The following PABPC1L variants were observed in gnomAD, a reference collection of about 807,000 sequenced individuals.
PABPC1L encodes polyadenylate-binding protein 1-like.
In PABPC1L, 31 loss-of-function variants were observed where a neutral mutation model predicts 66.6. The ratio of observed to expected loss-of-function variants is 0.47; its 90% CI spans 0.35 to 0.63. The LOEUF (loss-of-function observed/expected upper bound fraction) is 0.63, where lower values mean the gene tolerates loss of function less well. Ranked by LOEUF, PABPC1L falls within the 20% of genes least tolerant of loss-of-function variation. PABPC1L has a pLI of 0.00. For synonymous variants in PABPC1L, 348 were observed against 335.1 expected (o/e 1.04, Z -0.42); for missense variants, 722 against 848.8 (o/e 0.85, Z 1.86).
intron 8 of PABPC1L, 137 bp from the exon 9 acceptor site, chr20:44,932,205 T>C (rs1345556605): frequency 7.6e-6 from 4 of 527,094 alleles, no homozygotes. Flanking sequence ...GGAGCTTTCA[T>C]TACAGCCTTG....
At chr20:44,920,777 A>G (rs1319865695) in intron 5 of PABPC1L, among the ~76,000 whole-genome samples, 3 of 149,046 alleles carry the variant, frequency 2.0e-5, no homozygotes, top group Non-Finnish European at 4.5e-5. Context: ...CCATATTTAC[A>G]TTGTAAATAT....
At chr20:44,937,304 A>G (rs2066908931) in intron 12 of PABPC1L, 1 of 277,050 alleles carries the variant, frequency 3.6e-6, no homozygotes, top group African/African-American at 2.2e-5. Flanking sequence ...TCTTTACTGC[A>G]TGGCCCCCGA....
In PABPC1L at chr20:44,918,867, A is replaced by G. The variant is rs760560749; in HGVS notation, c.504-39A>G. ...GGCATGGGGGTGGCTGATGGCTGGT[A>G]GCTGTCCACAGCCATGAGCCAGTGT... is the stretch of plus-strand genomic sequence containing the variant. On this transcript the variant is annotated intron_variant, in intron 3 of 14. Coordinates refer to ENST00000217073, the MANE Select transcript of PABPC1L (RefSeq NM_001372179.1). 7.8e-6 allele frequency: 12 copies of G among 1,529,958 alleles called. No individual in the cohort carries two copies. The South Asian group carries it at 1.4e-4, about 18-fold the overall frequency. 94.8% of individuals were successfully genotyped at this position (1,529,958 alleles called of 1,614,324 possible).
At chr20:44,935,356 C>G (rs1185963983) in intron 10 of PABPC1L, 35 bp from the exon 11 acceptor site, 2 of 1,545,204 alleles carry the variant, frequency 1.3e-6, no homozygotes, top group Non-Finnish European at 1.8e-6. Context: ...TATTTGAACT[C>G]TGCTTTTTTT....
intron 1 of PABPC1L, among the ~76,000 whole-genome samples, chr20:44,911,462 TCAACA>T (rs1166583371): frequency 6.6e-6 from 1 of 152,050 alleles, no homozygotes; most frequent in Non-Finnish European, 1.5e-5. Context: ...AGACTCCATC[TCAACA>T]CAAAACAAAA....
chr20:44,929,361 T>A (rs1207487968), intron 7 of PABPC1L, among the ~76,000 whole-genome samples: 1 of 152,146 alleles, frequency 6.6e-6, no homozygotes, highest in East Asian at 1.9e-4. Context: ...AGAGTGAAAT[T>A]CCAGTGAAGT....
At chr20:44,921,333 A>C (rs2066771636) in intron 5 of PABPC1L, among the ~76,000 whole-genome samples, 1 of 152,012 alleles carries the variant, frequency 6.6e-6, no homozygotes, top group South Asian at 2.1e-4. Context: ...TTTTTAGTAG[A>C]GACGGGGTTT....
At chr20:44,926,245 G>A (rs1435468459) in intron 7 of PABPC1L, among the ~76,000 whole-genome samples, 3 of 152,162 alleles carry the variant, frequency 2.0e-5, no homozygotes, top group Non-Finnish European at 4.4e-5. Flanking sequence ...TTTTGTGTGT[G>A]TGATGGAGTC....
chr20:44,921,831 G>A, intron 6 of PABPC1L, 100 bp downstream of exon 6: 1 of 1,554,196 alleles, frequency 6.4e-7, no homozygotes. Context: ...CCTACTTCTG[G>A]GCACTTGGCT....
chr20:44,937,497 C>A (rs900568274), intron 12 of PABPC1L, among the ~76,000 whole-genome samples: 1 of 152,186 alleles, frequency 6.6e-6, no homozygotes, highest in Non-Finnish European at 1.5e-5. Flanking sequence ...TCACTGCAAC[C>A]TCCACCTCCC....
chr20:44,933,152 G>C lies in PABPC1L; in HGVS notation c.1426G>C (p.Val476Leu). The C allele has an allele frequency of 6.2e-7, 1 of 1,609,598 alleles. No individual in the cohort carries two copies. Among genetic ancestry groups the C allele is most frequent in the Non-Finnish European group, 8.5e-7 (1 of 1,178,590 alleles). ...ISSVRQASTQ[V>L]PRTVPHTQRV... ...CAGTGTCAGGCAGGCCTCCACCCAG[G>C]TGCCACGCACGGTGCCTCATACCCA... Residue 476 changes from valine (V) to leucine (L), a missense_variant, in exon 10 of 15, where the codon GTG becomes CTG. By Grantham distance (32) the Val-to-Leu change is conservative. Transcript: ENST00000217073.
chr20:44,918,178 T>C (rs2066749685), intron 3 of PABPC1L, among the ~76,000 whole-genome samples: 1 of 152,040 alleles, frequency 6.6e-6, no homozygotes, highest in Non-Finnish European at 1.5e-5. Context: ...ATACAAGAAT[T>C]AGCCATGCGT....
intron 7 of PABPC1L, among the ~76,000 whole-genome samples, chr20:44,924,940 A>G (rs2066798928): frequency 6.9e-6 from 1 of 145,064 alleles, no homozygotes; most frequent in Non-Finnish European, 1.5e-5. Flanking sequence ...GAGGCTGGGC[A>G]ATATGGCTCA....
chr20:44,912,668 G>A lies in PABPC1L; in HGVS notation c.202G>A (p.Ala68Thr), dbSNP rs371082609. 4.3e-6 allele frequency: 7 copies of A among 1,612,224 alleles called. No homozygotes were observed. The African/African-American group carries it at 8.0e-5, about 18-fold the overall frequency. The change falls in exon 2 of 15, where the codon GCA (alanine) becomes ACA (threonine). Residue 68 changes from alanine to threonine, a missense_variant. By Grantham distance (58) the Ala-to-Thr change is moderately conservative (BLOSUM62 0). This residue lies in a region of PABPC1L where 284 missense variants were observed against 294.8 expected (regional missense o/e 0.96). Transcript: ENST00000217073. The part of the protein sequence containing the change: ...NFQQPADAER[A>T]LDTMNFEMLK... ...CTCTTCCTTCTGTCCAGCGGAGCGGGCACTGGACACAATGAACTTTGAGAT... is the reference window on the plus strand; with the variant it reads ...CTCTTCCTTCTGTCCAGCGGAGCGGACACTGGACACAATGAACTTTGAGAT...
At chr20:44,911,108 C>T (rs573119682) in intron 1 of PABPC1L, among the ~76,000 whole-genome samples, 1 of 151,760 alleles carries the variant, frequency 6.6e-6, no homozygotes, top group Non-Finnish European at 1.5e-5. Context: ...TGCTTGTTAC[C>T]TCGTAAACGC....
chr20:44,912,971 G>A, intron 2 of PABPC1L, 118 bp downstream of exon 2: 1 of 911,986 alleles, frequency 1.1e-6, no homozygotes, highest in Non-Finnish European at 1.6e-6. Flanking sequence ...CAAGTTTCAG[G>A]TACAGCAAGC....
chr20:44,933,217 G>A (rs1267012683), intron 10 of PABPC1L, 32 bp downstream of exon 10: 1 of 1,554,600 alleles, frequency 6.4e-7, no homozygotes, highest in Non-Finnish European at 8.8e-7. Flanking sequence ...GGGAATGGGG[G>A]TGGGGCAAAG....
At chr20:44,938,819 C>A (rs1024459402) in intron 14 of PABPC1L, 71 bp downstream of exon 14, 15 of 1,432,902 alleles carry the variant, frequency 1.0e-5, no homozygotes, top group Admixed American at 2.0e-5. Context: ...GACTGACTTT[C>A]ACAAACACTG....
Position 44,910,298 on chromosome 20 carries a change from T to A in PABPC1L, c.155T>A (p.Leu52Gln). ...VCRDVATRRS[L>Q]GYAYINFQQP... ...CGCGATGTAGCCACCCGGCGCTCGC[T>A]GGGCTACGCCTACATCAACTTCCAG... Residue 52 changes from leucine to glutamine, a missense_variant, in exon 1 of 15, where the codon CTG (leucine) becomes CAG (glutamine). Physicochemically the swap from Leu to Gln is moderately radical, Grantham distance 113. Coordinates refer to ENST00000217073, the MANE Select transcript of PABPC1L (RefSeq NM_001372179.1). 6.5e-7 allele frequency: 1 copy of A among 1,545,086 alleles called. No individual in the cohort carries two copies. Among genetic ancestry groups the A allele is most frequent in the Non-Finnish European group, 8.7e-7 (1 of 1,143,350 alleles).
Sources: allele counts gnomAD v4.1 joint callset (sites outside exome capture counted in the v4.1 genomes callset), GRCh38; gene constraint gnomAD v4.1.1; regional missense constraint gnomAD v4.1.1; transcripts MANE v1.5; gene names NCBI Gene and HGNC (gene_info 2026-07-23, HGNC 2026-07-21).